Variants in HPSE2 observed in about 807,000 individuals in gnomAD.
HPSE2 encodes the protein heparanase 2 (inactive), also known as inactive heparanase-2.
HPSE2 carries 38 observed loss-of-function variants against 60.5 expected under a neutral mutation model. The ratio of observed to expected loss-of-function variants is 0.63; its 90% CI spans 0.48 to 0.82. The LOEUF (loss-of-function observed/expected upper bound fraction) is 0.82, where lower values mean the gene tolerates loss of function less well. Ranked by LOEUF, HPSE2 falls within the 40% of genes least tolerant of loss-of-function variation. HPSE2 has a pLI of 0.00. For missense variants in HPSE2, 713 were observed against 740.4 expected (o/e 0.96, Z 0.43); for synonymous variants, 295 against 293.2 (o/e 1.01, Z -0.06).
At chr10:98,649,451 C>A (rs1386043309) in intron 6 of HPSE2, among the ~76,000 whole-genome samples, 1 of 152,144 alleles carries the variant, frequency 6.6e-6, no homozygotes. Flanking sequence ...GTAACAGACA[C>A]CAAAACCTTT....
At chr10:98,581,142 A>G (rs1041965820) in intron 9 of HPSE2, among the ~76,000 whole-genome samples, 8 of 151,704 alleles carry the variant, frequency 5.3e-5, no homozygotes, top group African/African-American at 1.9e-4. Context: ...GGTTTCACCA[A>G]TCCACCCACC....
chr10:99,286,603 A>T, the HPSE2 span, among the ~76,000 whole-genome samples: 1 of 152,226 alleles, frequency 6.6e-6, no homozygotes. Flanking sequence ...AAAGTTTTGG[A>T]AATAATGGTG....
chr10:98,560,823 G>A (rs938554772), intron 9 of HPSE2, among the ~76,000 whole-genome samples: 1 of 151,736 alleles, frequency 6.6e-6, no homozygotes, highest in Non-Finnish European at 1.5e-5. Context: ...CATTACTCAC[G>A]TGTTTGTGGT....
Position 98,942,782 on chromosome 10 carries a change from G to A in HPSE2, c.611-198726C>T, listed in dbSNP as rs191765785. ...TGCTGCTATAAAGATACATGCACAC[G>A]TATGTTTATTGCGGCACTATTCACA... is the stretch of plus-strand genomic sequence containing the variant. On this transcript the variant is annotated intron_variant, in intron 3 of 11. Transcript: ENST00000370552. Among the ~76,000 whole-genome samples, 5 of 151,896 alleles carry A rather than the reference G, an allele frequency of 3.3e-5. No homozygotes were observed. In the South Asian group the frequency reaches 8.3e-4, roughly 25 times the overall value.
intron 3 of HPSE2, among the ~76,000 whole-genome samples, chr10:98,930,508 G>A (rs1296515120): frequency 6.9e-6 from 1 of 144,138 alleles, no homozygotes; most frequent in Non-Finnish European, 1.5e-5. Context: ...CCCAGTAATG[G>A]GATTGCTGGG....
chr10:99,282,636 A>G, the HPSE2 span, among the ~76,000 whole-genome samples: 3 of 152,358 alleles, frequency 2.0e-5, no homozygotes, highest in South Asian at 2.1e-4. Context: ...AAATTTTAAA[A>G]GACTAAAATT....
Position 98,933,348 on chromosome 10 carries a change from T to A in HPSE2, c.611-189292A>T, listed in dbSNP as rs562044529. The stretch of plus-strand genomic sequence containing the variant: ...GAGAGACTTATGATTTCAGTTCCTT[T>A]GCTGAGGAGTGTTTTACTTCCAATT... On this transcript the variant is annotated intron_variant, in intron 3 of 11. Coordinates refer to ENST00000370552, the MANE Select transcript of HPSE2 (RefSeq NM_021828.5). Among the ~76,000 whole-genome samples the A allele has an allele frequency of 4.4e-4, 64 of 144,434 alleles. 14 individuals are homozygous for A. Among genetic ancestry groups the A allele is most frequent in the African/African-American group, 1.7e-3 (61 of 35,672 alleles). 94.8% of individuals were successfully genotyped at this position (144,434 alleles called of 152,430 possible).
intron 2 of HPSE2, among the ~76,000 whole-genome samples, chr10:99,195,395 C>T (rs899487762): frequency 6.7e-6 from 1 of 149,796 alleles, no homozygotes; most frequent in East Asian, 2.0e-4. Flanking sequence ...CAAAGGGCCT[C>T]AAAATTTGGA....
intron 3 of HPSE2, among the ~76,000 whole-genome samples, chr10:98,952,410 G>A (rs1955390269): frequency 6.6e-6 from 1 of 151,722 alleles, no homozygotes; most frequent in African/African-American, 2.4e-5. Flanking sequence ...AGGTGGAAAG[G>A]AGTGGAAGGT....
chr10:99,188,861 C>T (rs1230237792), intron 2 of HPSE2, among the ~76,000 whole-genome samples: 1 of 152,208 alleles, frequency 6.6e-6, no homozygotes, highest in Non-Finnish European at 1.5e-5. Flanking sequence ...TCCTCATGGA[C>T]TAGTCTGTGT....
intron 2 of HPSE2, among the ~76,000 whole-genome samples, chr10:99,227,884 T>C (rs1432951783): frequency 6.8e-6 from 1 of 146,480 alleles, no homozygotes; most frequent in Non-Finnish European, 1.5e-5. Flanking sequence ...TGTGTGTGTG[T>C]GTGTGTGTGT....
intron 3 of HPSE2, among the ~76,000 whole-genome samples, chr10:99,101,245 T>A (rs992810212): frequency 1.3e-5 from 2 of 152,076 alleles, no homozygotes; most frequent in Non-Finnish European, 2.9e-5. Context: ...AGGAAACCCA[T>A]CTCACATGCA....
At chr10:99,008,611 C>T (rs1008576529) in intron 3 of HPSE2, among the ~76,000 whole-genome samples, 4 of 152,174 alleles carry the variant, frequency 2.6e-5, no homozygotes, top group Non-Finnish European at 5.9e-5. Context: ...AATTCACAGC[C>T]CCATTTGGAA....
At chr10:98,792,595 A>G (rs1950679630) in intron 3 of HPSE2, among the ~76,000 whole-genome samples, 1 of 151,674 alleles carries the variant, frequency 6.6e-6, no homozygotes, top group African/African-American at 2.4e-5. Flanking sequence ...GCATTTTTGT[A>G]CATTTAAAAG....
At chr10:98,579,474 T>G (rs749175475) in intron 9 of HPSE2, among the ~76,000 whole-genome samples, 3 of 152,154 alleles carry the variant, frequency 2.0e-5, no homozygotes, top group Non-Finnish European at 4.4e-5. Context: ...CACTCAGCTT[T>G]GCCTGATCGC....
chr10:98,486,569 T>A (rs1252841), intron 10 of HPSE2, among the ~76,000 whole-genome samples: 15,144 of 152,148 alleles, frequency 0.1, 2,462 homozygotes, highest in African/African-American at 0.34. Flanking sequence ...AGGCTGGAAT[T>A]GGAATATCCT....
intron 2 of HPSE2, among the ~76,000 whole-genome samples, chr10:99,164,933 AT>A (rs1266967443): frequency 2.0e-5 from 3 of 151,980 alleles, no homozygotes; most frequent in Non-Finnish European, 4.4e-5. Flanking sequence ...AAAATAAAAA[AT>A]TAGCTGGGCA....
chr10:99,034,759 T>C (rs1052186935), intron 3 of HPSE2, among the ~76,000 whole-genome samples: 2 of 152,222 alleles, frequency 1.3e-5, no homozygotes, highest in Admixed American at 1.3e-4. Context: ...TGTTATAGCC[T>C]CCTACACACC....
intron 3 of HPSE2, among the ~76,000 whole-genome samples, chr10:98,800,547 C>T (rs1353261413): frequency 6.7e-6 from 1 of 149,962 alleles, no homozygotes; most frequent in Non-Finnish European, 1.5e-5. Context: ...GGAGATATTA[C>T]AACTGATATT....
Sources: gnomAD v4.1 joint callset for allele counts (sites outside exome capture counted in the v4.1 genomes callset) on GRCh38, gnomAD v4.1.1 for gene constraint, MANE v1.5 for transcripts, NCBI Gene and HGNC (gene_info 2026-07-23, HGNC 2026-07-21) for gene names.